PSME4: variants seen among roughly 807,000 people sequenced by gnomAD.
The protein encoded by PSME4 is proteasome activator complex subunit 4.
Under a neutral mutation model 253.9 loss-of-function variants are expected in PSME4, and 89 were observed. The ratio of observed to expected loss-of-function variants is 0.35; its 90% CI spans 0.30 to 0.42. The LOEUF (loss-of-function observed/expected upper bound fraction) is 0.42. PSME4 is among the 10% of genes least tolerant of loss of function. PSME4 has a pLI of 1.00. For missense variants in PSME4, 2,014 were observed against 2,195.2 expected, an observed-to-expected ratio of 0.92 and a Z score of 1.65; for synonymous variants, 851 against 759.2, an observed-to-expected ratio of 1.12 and a Z score of -1.99.
In PSME4 at chr2:53,890,228, T is replaced by C. The variant is rs1368983819; in HGVS notation, c.4192-20A>G. 6.6e-7 allele frequency: 1 copy of C among 1,526,676 alleles called. No homozygotes were observed. The highest frequency in any genetic ancestry group is 1.4e-5 in the African/African-American group (1 of 72,670). 94.6% of individuals were successfully genotyped at this position (1,526,676 alleles called of 1,614,324 possible). ...CTCCACCTACTCAAAACAAAATATA[T>C]GGGTAAGAGTTAATGACACTCAGAA... is the stretch of plus-strand genomic sequence containing the variant. On this transcript the variant is annotated intron_variant, in intron 36 of 46. Transcript: ENST00000404125.
intron 36 of PSME4, among the ~76,000 whole-genome samples, chr2:53,892,061 T>C (rs1216140378): frequency 6.6e-6 from 1 of 152,218 alleles, no homozygotes; most frequent in Non-Finnish European, 1.5e-5. Flanking sequence ...ATAGGAATTA[T>C]GTTTTGCAAA....
At chr2:53,877,106 C>T (rs1328074772) in intron 41 of PSME4, among the ~76,000 whole-genome samples, 7 of 151,846 alleles carry the variant, frequency 4.6e-5, no homozygotes, top group East Asian at 1.9e-4. Flanking sequence ...GCCTTAAATA[C>T]GTTTTAAATA....
At chr2:53,923,817 G>A (rs1182658754) in intron 14 of PSME4, among the ~76,000 whole-genome samples, 2 of 151,408 alleles carry the variant, frequency 1.3e-5, no homozygotes, top group East Asian at 3.9e-4. Context: ...CAGCTGCTCG[G>A]GAGGCTGAGG....
At chr2:53,898,828 C>T (rs969511287) in intron 29 of PSME4, among the ~76,000 whole-genome samples, 1 of 152,030 alleles carries the variant, frequency 6.6e-6, no homozygotes, top group Non-Finnish European at 1.5e-5. Flanking sequence ...ATCAGTGAAG[C>T]ATTTAAGTGC....
intron 26 of PSME4, among the ~76,000 whole-genome samples, chr2:53,904,896 G>A (rs1019812801): frequency 1.3e-5 from 2 of 152,018 alleles, no homozygotes; most frequent in East Asian, 3.9e-4. Context: ...GCTGAGGCAG[G>A]AGAATTGCTG....
chr2:53,877,247 CA>C (rs1204678801), intron 41 of PSME4, among the ~76,000 whole-genome samples: 1,855 of 50,398 alleles, frequency 0.037, 13 homozygotes, highest in African/African-American at 0.053. Context: ...CCTGCCTCTA[CA>C]AAAAAAAAAA....
rs765381697 is a variant in PSME4 at position 53,919,251 on chromosome 2, A to G, written c.2421-5T>C. ...AGACTCTGTAGAATATCATCTCTAGAAAAAAAAAAAAGACATTTTCATATT... is the reference window on the plus strand; with the variant it reads ...AGACTCTGTAGAATATCATCTCTAGGAAAAAAAAAAAGACATTTTCATATT... On this transcript the variant is annotated splice_polypyrimidine_tract_variant and splice_region_variant and intron_variant, in intron 19 of 46. Transcript: ENST00000404125. The G allele has an allele frequency of 1.2e-5, 8 of 641,746 alleles. No individual in the cohort carries two copies. The highest frequency in any genetic ancestry group is 4.1e-4 in the Middle Eastern group (1 of 2,456). 39.8% of individuals were successfully genotyped at this position (641,746 alleles called of 1,614,324 possible). A position where few individuals can be genotyped will look rare whatever the true frequency, so the allele number is the denominator to read the frequency against.
intron 41 of PSME4, among the ~76,000 whole-genome samples, chr2:53,882,781 T>C (rs1242948154): frequency 1.1e-4 from 16 of 152,018 alleles, no homozygotes; most frequent in Admixed American, 1.0e-3. Context: ...AGTATCTACT[T>C]ACTGACATGG....
At chr2:53,967,594 G>A (rs1670798172) in intron 1 of PSME4, among the ~76,000 whole-genome samples, 1 of 128,428 alleles carries the variant, frequency 7.8e-6, no homozygotes, top group Non-Finnish European at 1.6e-5. Flanking sequence ...GTTGCAGTGA[G>A]CCACGATAGT....
chr2:53,944,848 C>T (rs989559281), intron 3 of PSME4, among the ~76,000 whole-genome samples: 2 of 151,944 alleles, frequency 1.3e-5, no homozygotes, highest in Non-Finnish European at 2.9e-5. Flanking sequence ...AATAGAGAAA[C>T]AAATGCCATA....
Position 53,896,592 on chromosome 2 carries a change from G to A in PSME4, c.3688+212C>T, listed in dbSNP as rs1302427959. Among the ~76,000 whole-genome samples, 3 of 152,156 alleles carry A rather than the reference G, an allele frequency of 2.0e-5. No homozygotes were observed. The East Asian group carries it at 5.8e-4, about 29-fold the overall frequency. On this transcript the variant is annotated intron_variant, in intron 32 of 46. Transcript: ENST00000404125. Reference sequence around the variant, plus strand: ...ATTAGTATAATTGCTTAGTAGGTGAGATAAATATGAAGGCAGAAAGAGTCA... The same window carrying A: ...ATTAGTATAATTGCTTAGTAGGTGAAATAAATATGAAGGCAGAAAGAGTCA...
At chr2:53,874,748 C>A (rs1201560495) in intron 42 of PSME4, among the ~76,000 whole-genome samples, 1 of 152,146 alleles carries the variant, frequency 6.6e-6, no homozygotes, top group Non-Finnish European at 1.5e-5. Context: ...AGTTTGAGAT[C>A]AGCCTGGCCA....
chr2:53,864,705 G>A lies in PSME4; in HGVS notation c.*873C>T, dbSNP rs1205313096. 1 of 152,420 alleles carries A rather than the reference G, an allele frequency of 6.6e-6. No individual in the cohort carries two copies. The highest frequency in any genetic ancestry group is 1.5e-5 in the Non-Finnish European group (1 of 68,000). The allele number at this position is 152,420 out of a possible 1,614,324, so 9.4% of individuals were successfully genotyped here. A position where few individuals can be genotyped will look rare whatever the true frequency, so the allele number is the denominator to read the frequency against. On this transcript the variant is annotated 3_prime_UTR_variant, in exon 47 of 47. Coordinates refer to ENST00000404125, the MANE Select transcript of PSME4 (RefSeq NM_014614.3). ...TATTAAGCCTTATTAGTCTCTCAAC[G>A]ATTCTGCAGGCAAAATAAAAAGGGA... is the stretch of plus-strand genomic sequence containing the variant.
intron 20 of PSME4, among the ~76,000 whole-genome samples, chr2:53,914,867 G>A (rs1163374809): frequency 6.6e-6 from 1 of 152,116 alleles, no homozygotes; most frequent in African/African-American, 2.4e-5. Flanking sequence ...GGCAACGAGT[G>A]AAACTTCGTT....
chr2:53,918,867 CTTAA>C (rs1182059907), intron 20 of PSME4, among the ~76,000 whole-genome samples: 1 of 152,098 alleles, frequency 6.6e-6, no homozygotes, highest in Non-Finnish European at 1.5e-5. Context: ...CAGCATTTAT[CTTAA>C]TTAACTCAGT....
chr2:53,962,699 A>T (rs1230444484), intron 1 of PSME4, among the ~76,000 whole-genome samples: 4 of 152,180 alleles, frequency 2.6e-5, no homozygotes, highest in Non-Finnish European at 5.9e-5. Flanking sequence ...TCTGTCCTAA[A>T]TGAACAAAAA....
Position 53,932,770 on chromosome 2 carries a change from TA to T in PSME4, c.958-11del, listed in dbSNP as rs771866796. On this transcript the variant is annotated splice_polypyrimidine_tract_variant and intron_variant, in intron 8 of 46. Transcript: ENST00000404125. ...GCTTACTTGGTCCACCCTGTCCAGA[TA>T]AAAGAGTAAAAATGTCAGTACCCAC... 1 of 1,603,222 alleles carries T rather than the reference TA, an allele frequency of 6.2e-7. No homozygotes were observed. The highest frequency in any genetic ancestry group is 8.5e-7 in the Non-Finnish European group (1 of 1,170,198).
intron 41 of PSME4, among the ~76,000 whole-genome samples, chr2:53,883,987 C>T (rs921318826): frequency 5.3e-5 from 8 of 152,144 alleles, no homozygotes; most frequent in African/African-American, 1.9e-4. Context: ...CTCTTCTACT[C>T]CTTCTGTGCT....
chr2:53,878,641 C>T (rs745910202), intron 41 of PSME4, among the ~76,000 whole-genome samples: 14 of 152,174 alleles, frequency 9.2e-5, no homozygotes, highest in Non-Finnish European at 1.6e-4. Flanking sequence ...ACTTTGGGGA[C>T]GGCTGTCTTT....
Sources: gnomAD v4.1 joint callset for allele counts (sites outside exome capture counted in the v4.1 genomes callset) on GRCh38, gnomAD v4.1.1 for gene constraint, MANE v1.5 for transcripts, NCBI Gene and HGNC (gene_info 2026-07-23, HGNC 2026-07-21) for gene names.